HVCN1: variants seen among roughly 807,000 people sequenced by gnomAD.
HVCN1 encodes the protein voltage-gated hydrogen channel 1.
In HVCN1, 14 loss-of-function variants were observed where a neutral mutation model predicts 29.2. That is an observed-to-expected ratio of 0.48 (90% CI 0.32 to 0.75). The LOEUF (loss-of-function observed/expected upper bound fraction) is 0.75. Among genes scored for constraint, HVCN1 ranks in the 30% least tolerant of loss-of-function variants. The pLI is 0.04. For missense variants in HVCN1, 263 were observed against 341.8 expected, an observed-to-expected ratio of 0.77 and a Z score of 1.82; for synonymous variants, 131 against 133.2, an observed-to-expected ratio of 0.98 and a Z score of 0.11.
chr12:110,652,274 T>C (rs1422601970), intron 5 of HVCN1, among the ~76,000 whole-genome samples: 3 of 152,176 alleles, frequency 2.0e-5, no homozygotes, highest in African/African-American at 4.8e-5. Flanking sequence ...ATGCCTGTAG[T>C]CCCAGCTATT....
At position 110,658,902 on chromosome 12, in the gene HVCN1, G is replaced by C. The variant is rs2136284772; in HGVS notation, c.306+2262C>G. On this transcript the variant is annotated intron_variant, in intron 4 of 7. Coordinates refer to ENST00000242607, the MANE Select transcript of HVCN1 (RefSeq NM_032369.4). The surrounding 1 kb of genome is among the most constrained non-coding windows in gnomAD (Gnocchi z 5.0). ...GTCTTTTTCCCCAGCAGGAGTATCT[G>C]GGTGTCCCAGCTCAGGGGCCAGTCC... 6.6e-6 allele frequency among the ~76,000 whole-genome samples: 1 copy of C among 152,358 alleles called. No homozygotes were observed. The highest frequency in any genetic ancestry group is 2.1e-4 in the South Asian group (1 of 4,834).
chr12:110,651,894 G>A (rs1269823309), intron 5 of HVCN1, among the ~76,000 whole-genome samples: 1 of 152,202 alleles, frequency 6.6e-6, no homozygotes, highest in Non-Finnish European at 1.5e-5. Flanking sequence ...ATTAAGCTGG[G>A]TGTGGTGGCT....
chr12:110,683,739 C>T (rs559962746), intron 2 of HVCN1, among the ~76,000 whole-genome samples: 9 of 151,778 alleles, frequency 5.9e-5, no homozygotes, highest in Non-Finnish European at 1.3e-4. Flanking sequence ...GGTGAAAACC[C>T]GTCTCTACTA....
chr12:110,685,568 A>G lies in HVCN1; in HGVS notation c.-19-2304T>C, dbSNP rs139565929. ...AGTGCACGCCTTGTCATGGCTGCAC[A>G]TGAGTCCCCTGTAGGAATGTGTTTA... On this transcript the variant is annotated intron_variant, in intron 2 of 7. Coordinates refer to ENST00000242607, the MANE Select transcript of HVCN1 (RefSeq NM_032369.4). Among the ~76,000 whole-genome samples the G allele has an allele frequency of 1.6e-4, 24 of 152,346 alleles. No individual in the cohort carries two copies. The East Asian group carries it at 4.4e-3, about 28-fold the overall frequency.
chr12:110,702,484 T>C (rs1163108497), intron 1 of HVCN1: 1 of 152,048 alleles, frequency 6.6e-6, no homozygotes. Context: ...TAATTTATTA[T>C]TATTATTATT....
At chr12:110,657,646 A>G (rs2068035429) in intron 4 of HVCN1, among the ~76,000 whole-genome samples, 1 of 152,230 alleles carries the variant, frequency 6.6e-6, no homozygotes, top group African/African-American at 2.4e-5. Flanking sequence ...TTAAAAAAGA[A>G]ACAATGCAAA....
At chr12:110,656,595 C>T (rs778120433) in intron 4 of HVCN1, among the ~76,000 whole-genome samples, 2 of 152,156 alleles carry the variant, frequency 1.3e-5, no homozygotes, top group African/African-American at 4.8e-5. Flanking sequence ...CCCGCCAGGG[C>T]CTTGCCGCTC....
intron 3 of HVCN1, among the ~76,000 whole-genome samples, chr12:110,671,856 G>A (rs939201675): frequency 6.6e-6 from 1 of 152,298 alleles, no homozygotes; most frequent in Middle Eastern, 3.4e-3. Context: ...GGAAGGGTAG[G>A]TGAAGTCTCT....
At chr12:110,703,560 G>C (rs1268160365) in intron 1 of HVCN1, among the ~76,000 whole-genome samples, 4 of 152,234 alleles carry the variant, frequency 2.6e-5, no homozygotes, top group South Asian at 4.2e-4. Context: ...GCCTGCTAAG[G>C]CTGAATGATA....
Position 110,678,057 on chromosome 12 carries a change from C to T in HVCN1, c.21+5168G>A, listed in dbSNP as rs73419341. On this transcript the variant is annotated intron_variant, in intron 3 of 7. Transcript: ENST00000242607. ...ATATTTTCTGAGCTCTGTGCAAAGA[C>T]CTTCATTAACATACTGTAACAAGCC... Among the ~76,000 whole-genome samples the T allele has an allele frequency of 3.2e-3, 482 of 152,330 alleles. 1 individual carries two copies. The highest frequency in any genetic ancestry group is 0.011 in the African/African-American group (450 of 41,566).
intron 5 of HVCN1, among the ~76,000 whole-genome samples, chr12:110,652,517 A>G (rs148467731): frequency 2.0e-5 from 3 of 152,366 alleles, no homozygotes; most frequent in South Asian, 2.1e-4. Context: ...AAGACATCAC[A>G]GAGTCATGTC....
intron 3 of HVCN1, chr12:110,682,634 C>T (rs571163037): frequency 2.9e-4 from 46 of 156,142 alleles, no homozygotes; most frequent in Non-Finnish European, 5.7e-4. Flanking sequence ...TCCCGACAAT[C>T]CTGCAAGGGC....
At chr12:110,690,435 A>T (rs2069377443), upstream of HVCN1, among the ~76,000 whole-genome samples, 1 of 152,144 alleles carries the variant, frequency 6.6e-6, no homozygotes, top group Non-Finnish European at 1.5e-5. Context: ...GTCTGCTTCA[A>T]CTGACTCGGC....
chr12:110,650,293 TG>T lies in HVCN1; in HGVS notation c.644-14del. 6.5e-7 allele frequency: 1 copy of T among 1,542,062 alleles called. No homozygotes were observed. On this transcript the variant is annotated splice_polypyrimidine_tract_variant and intron_variant, in intron 6 of 7. Transcript: ENST00000242607. ...GAGATGATAATCCCTGAAATAAAAT[TG>T]GGGGTCTCAGTGATACTGGTTTCTA... is the stretch of plus-strand genomic sequence containing the variant.
At chr12:110,681,138 A>G (rs1228811469) in intron 3 of HVCN1, among the ~76,000 whole-genome samples, 1 of 152,224 alleles carries the variant, frequency 6.6e-6, no homozygotes, top group Admixed American at 6.5e-5. Context: ...TGTCTCTGAA[A>G]TCTGGCTGGG....
chr12:110,656,550 C>T (rs1313685751), intron 4 of HVCN1, among the ~76,000 whole-genome samples: 3 of 152,124 alleles, frequency 2.0e-5, no homozygotes, highest in African/African-American at 7.2e-5. Context: ...CCTTCTCTTC[C>T]CTTGGAAATT....
intron 3 of HVCN1, among the ~76,000 whole-genome samples, chr12:110,679,677 C>T (rs1016622347): frequency 6.6e-6 from 1 of 152,062 alleles, no homozygotes; most frequent in African/African-American, 2.4e-5. Context: ...CAAGGTGAAA[C>T]CCCATCTCTA....
chr12:110,702,485 T>G (rs1442008850), intron 1 of HVCN1: 1 of 151,986 alleles, frequency 6.6e-6, no homozygotes, highest in African/African-American at 2.4e-5. Context: ...AATTTATTAT[T>G]ATTATTATTA....
At position 110,661,490 on chromosome 12, in the gene HVCN1, C is replaced by T. The variant is rs1566037258; in HGVS notation, c.22-42G>A. 2.5e-6 allele frequency: 4 copies of T among 1,592,018 alleles called. No homozygotes were observed. In the Admixed American group the frequency reaches 5.1e-5, roughly 20 times the overall value. ...GAGAGCAAGAGCTTCAGGCAGTTGG[C>T]CACTCAGAGCCCACATGGCCCAGGC... On this transcript the variant is annotated intron_variant, in intron 3 of 7. Coordinates refer to ENST00000242607, the MANE Select transcript of HVCN1 (RefSeq NM_032369.4). This position sits in a 1 kb window ranked among gnomAD's most constrained non-coding sequence, Gnocchi z 6.2.
Sources: allele counts gnomAD v4.1 joint callset (sites outside exome capture counted in the v4.1 genomes callset), GRCh38; gene constraint gnomAD v4.1.1; non-coding constraint Gnocchi (gnomAD v3.1); transcripts MANE v1.5; gene names NCBI Gene and HGNC (gene_info 2026-07-23, HGNC 2026-07-21).